The following GOLGA6L2 variants were observed in gnomAD, a reference collection of about 807,000 sequenced individuals.
GOLGA6L2 encodes the protein golgin A6 family like 2, also known as golgin subfamily A member 6-like protein 2.
GOLGA6L2 carries 30 observed loss-of-function variants against 35.9 expected under a neutral mutation model. The ratio of observed to expected loss-of-function variants is 0.83; its 90% CI spans 0.62 to 1.13. GOLGA6L2 has a LOEUF of 1.13. GOLGA6L2 is among the 50% of genes most tolerant of loss of function. The pLI is 0.00. For missense variants in GOLGA6L2, 821 were observed against 973.4 expected (o/e 0.84, Z 2.08); for synonymous variants, 297 against 344.0 (o/e 0.86, Z 1.51).
At chr15:23,444,428 T>C (rs765373512) in intron 3 of GOLGA6L2, 43 bp downstream of exon 3, 3 of 1,595,436 alleles carry the variant, frequency 1.9e-6, no homozygotes, top group East Asian at 2.2e-5. Flanking sequence ...CTGAGTGCCC[T>C]CCAAACCCAG....
intron 5 of GOLGA6L2, among the ~76,000 whole-genome samples, chr15:23,443,495 C>T (rs532218730): frequency 6.6e-6 from 1 of 152,258 alleles, no homozygotes; most frequent in African/African-American, 2.4e-5. Flanking sequence ...ATACCTTAAC[C>T]CCTGCCTAGG....
At chr15:23,442,545 G>T in intron 5 of GOLGA6L2, 37 bp from the exon 6 acceptor site, 1 of 1,564,552 alleles carries the variant, frequency 6.4e-7, no homozygotes, top group Non-Finnish European at 8.6e-7. Context: ...GACAGAGCAG[G>T]CAGAAGAGCA....
chr15:23,444,127 A>G, intron 4 of GOLGA6L2, 35 bp downstream of exon 4: 1 of 1,600,282 alleles, frequency 6.2e-7, no homozygotes, highest in South Asian at 1.1e-5. Context: ...AACCTTCTCC[A>G]GAGGACAGGA....
intron 5 of GOLGA6L2, among the ~76,000 whole-genome samples, chr15:23,443,310 T>A (rs958710611): frequency 1.3e-5 from 2 of 152,122 alleles, no homozygotes; most frequent in Non-Finnish European, 2.9e-5. Context: ...CCACACACAC[T>A]GTTCCTGTCT....
At chr15:23,442,596 G>GT in intron 5 of GOLGA6L2, 88 bp from the exon 6 acceptor site, 1 of 1,201,278 alleles carries the variant, frequency 8.3e-7, no homozygotes, top group Non-Finnish European at 1.2e-6. Context: ...ATACTCCACA[G>GT]TAACACTCCC....
rs747677893 is a variant in GOLGA6L2, at chr15:23,439,704, C to G, written c.*41G>C. 8.5e-6 allele frequency: 13 copies of G among 1,537,256 alleles called. No individual in the cohort carries two copies. In the Middle Eastern group the frequency reaches 5.0e-4, roughly 59 times the overall value. On this transcript the variant is annotated 3_prime_UTR_variant, in exon 8 of 8. Transcript: ENST00000567107. ...TTGTCCTGCGGAGAACCCTCCCCAG[C>G]CTCTCCTCCTGCAGGCTCCACACTG...
chr15:23,442,616 A>C, intron 5 of GOLGA6L2, 108 bp from the exon 6 acceptor site: 29 of 988,008 alleles, frequency 2.9e-5, no homozygotes, highest in Non-Finnish European at 3.5e-5. Context: ...CTCACTCTCC[A>C]TCACACCCGA....
intron 5 of GOLGA6L2, among the ~76,000 whole-genome samples, chr15:23,443,397 CACACGCACAT>C: frequency 6.6e-6 from 1 of 152,068 alleles, no homozygotes; most frequent in Non-Finnish European, 1.5e-5. Context: ...CACACACACA[CACACGCACAT>C]GCACACTTAT....
chr15:23,442,671 C>CT (rs72495057), intron 5 of GOLGA6L2, among the ~76,000 whole-genome samples, 163 bp from the exon 6 acceptor site: 15 of 150,678 alleles, frequency 1.0e-4, no homozygotes, highest in African/African-American at 2.7e-4. Flanking sequence ...ATTTTTTTTT[C>CT]TTTTTTTTTT....
chr15:23,443,180 CT>C (rs1157650834), intron 5 of GOLGA6L2, among the ~76,000 whole-genome samples: 107 of 152,232 alleles, frequency 7.0e-4, no homozygotes, highest in Non-Finnish European at 1.3e-4. Context: ...TAAGCCCATT[CT>C]TTCCCTGGGG....
At chr15:23,444,330 C>T (rs1409280816) in intron 3 of GOLGA6L2, 118 bp from the exon 4 acceptor site, 1 of 1,475,858 alleles carries the variant, frequency 6.8e-7, no homozygotes, top group Non-Finnish European at 9.3e-7. Flanking sequence ...ACCAGGTTAT[C>T]AGGGACCCTG....
At chr15:23,441,931 T>G in intron 7 of GOLGA6L2, 48 bp downstream of exon 7, 2 of 1,530,714 alleles carry the variant, frequency 1.3e-6, no homozygotes, top group Non-Finnish European at 1.7e-6. Flanking sequence ...TAGACCATGG[T>G]CCTAGCTGGA....
rs554424193 is a variant in GOLGA6L2 at position 23,444,115 on chromosome 15, A to G, written c.295-42T>C. On this transcript the variant is annotated intron_variant, in intron 4 of 7. Coordinates refer to ENST00000567107, the MANE Select transcript of GOLGA6L2 (RefSeq NM_001304388.2). ...AAGCAAGTGCTGAAAGAGAAGCAAA[A>G]AAACCTTCTCCAGAGGACAGGAGGG... 60 of 1,594,866 alleles carry G rather than the reference A, an allele frequency of 3.8e-5. 1 individual carries two copies. In the South Asian group the frequency reaches 5.8e-4, roughly 15 times the overall value.
chr15:23,446,529 A>T (rs1886787616), intron 1 of GOLGA6L2, among the ~76,000 whole-genome samples: 1 of 152,126 alleles, frequency 6.6e-6, no homozygotes, highest in Non-Finnish European at 1.5e-5. Flanking sequence ...CTGTGACACC[A>T]CTACATTTCA....
chr15:23,444,568 C>G (rs748448935), intron 2 of GOLGA6L2, 68 bp from the exon 3 acceptor site: 2 of 1,449,344 alleles, frequency 1.4e-6, no homozygotes, highest in African/African-American at 2.8e-5. Context: ...GGCCAGGAAG[C>G]GGTACGCAGG....
At chr15:23,445,715 A>C (rs925828768) in intron 1 of GOLGA6L2, among the ~76,000 whole-genome samples, 21 of 152,240 alleles carry the variant, frequency 1.4e-4, no homozygotes, top group Non-Finnish European at 1.2e-4. Flanking sequence ...GTAGAAAAGT[A>C]AAAAGTAGAC....
At chr15:23,446,068 A>T (rs1459645264) in intron 1 of GOLGA6L2, among the ~76,000 whole-genome samples, 1 of 152,208 alleles carries the variant, frequency 6.6e-6, no homozygotes, top group Non-Finnish European at 1.5e-5. Context: ...AGGAAGATTC[A>T]AGTTGTCAAG....
Position 23,441,466 on chromosome 15 carries a change from G to C in GOLGA6L2, c.1009C>G (p.Leu337Val), listed in dbSNP as rs1223699849. 6.4e-6 allele frequency: 9 copies of C among 1,407,854 alleles called. No individual in the cohort carries two copies. The highest frequency in any genetic ancestry group is 8.5e-6 in the Non-Finnish European group (9 of 1,055,496). The allele number at this position is 1,407,854 out of a possible 1,614,324, so 87.2% of individuals were successfully genotyped here. Residue 337 changes from leucine (L) to valine (V), a missense_variant, in exon 8 of 8, where the codon CTG becomes GTG. Physicochemically the swap from Leu to Val is conservative, Grantham distance 32. Coordinates refer to ENST00000567107, the MANE Select transcript of GOLGA6L2 (RefSeq NM_001304388.2). ...EKELREQEKE[L>V]REQKKLREQE... is the part of the protein sequence containing the mutation. ...TCCCGCAGCTTCTTCTGCTCCCGCA[G>C]CTCCTTCTCCTGCTCCCGCAGCTCC...
At chr15:23,442,930 A>C (rs12899853) in intron 5 of GOLGA6L2, among the ~76,000 whole-genome samples, 124,915 of 151,884 alleles carry the variant, frequency 0.82, 52,132 homozygotes, top group Middle Eastern at 0.91. Context: ...GGGCCCAGAG[A>C]GATCAGATAA....
Sources: gnomAD v4.1 joint callset for allele counts (sites outside exome capture counted in the v4.1 genomes callset) on GRCh38, gnomAD v4.1.1 for gene constraint, MANE v1.5 for transcripts, NCBI Gene and HGNC (gene_info 2026-07-23, HGNC 2026-07-21) for gene names.